The following ZZEF1 variants were observed in gnomAD, a reference collection of about 807,000 sequenced individuals.
ZZEF1 encodes the protein zinc finger ZZ-type and EF-hand domain containing 1.
ZZEF1 carries 157 observed loss-of-function variants against 342.8 expected under a neutral mutation model. The observed-to-expected ratio is 0.46, with a 90% CI of 0.40 to 0.52. The LOEUF is 0.52. ZZEF1 is among the 20% of genes least tolerant of loss of function. The pLI, the probability that ZZEF1 is intolerant of heterozygous loss-of-function variation, is 0.00. For synonymous variants in ZZEF1, 1,505 were observed against 1,429.1 expected (o/e 1.05, Z -1.20); for missense variants, 3,480 against 3,725.6 (o/e 0.93, Z 1.72).
At chr17:4,118,759 A>T (rs1353978676) in intron 2 of ZZEF1, among the ~76,000 whole-genome samples, 2 of 152,332 alleles carry the variant, frequency 1.3e-5, no homozygotes, top group African/African-American at 4.8e-5. Flanking sequence ...TCTTAGAAAG[A>T]ATATCTTCAC....
In ZZEF1 at chr17:4,054,110, C is replaced by T. The variant is rs1241045495; in HGVS notation, c.5381G>A (p.Arg1794Gln). The T allele has an allele frequency of 6.2e-6, 10 of 1,613,756 alleles. No homozygotes were observed. Among genetic ancestry groups the T allele is most frequent in the South Asian group, 2.2e-5 (2 of 90,936 alleles). ...DGCDEIAPWH[R>Q]YRCLQCSDMD... Reference sequence around the variant, plus strand: ...GTCGCTGCACTGCAGACAGCGGTATCGATGCCAGGGGGCAATCTCATCACA... The same window carrying T: ...GTCGCTGCACTGCAGACAGCGGTATTGATGCCAGGGGGCAATCTCATCACA... Residue 1794 changes from arginine to glutamine, a missense_variant, in exon 34 of 55, where the codon CGA (arginine) becomes CAA (glutamine). Coordinates refer to ENST00000381638, the MANE Select transcript of ZZEF1 (RefSeq NM_015113.4).
At chr17:4,066,654 G>C (rs1000199391) in intron 27 of ZZEF1, 114 bp from the exon 28 acceptor site, 1 of 877,736 alleles carries the variant, frequency 1.1e-6, no homozygotes, top group East Asian at 2.4e-5. Flanking sequence ...CTTCACAGTT[G>C]TATCATTTAG....
In ZZEF1 at chr17:4,008,721, C is replaced by A. The variant is rs141252775; in HGVS notation, c.8805+162G>T. ...GATAAATGGGGCTCGTGCATGCTCT[C>A]TGAGCACCAGGAGGAAGTGACTGAA... On this transcript the variant is annotated intron_variant, in intron 54 of 54. Transcript: ENST00000381638. This position sits in a 1 kb window ranked among gnomAD's most constrained non-coding sequence, Gnocchi z 4.2. 5 of 1,411,290 alleles carry A rather than the reference C, an allele frequency of 3.5e-6. No individual in the cohort carries two copies. The African/African-American group carries it at 5.8e-5, about 16-fold the overall frequency. 87.4% of individuals were successfully genotyped at this position (1,411,290 alleles called of 1,614,324 possible).
rs372709486 is a variant in ZZEF1 at position 4,088,922 on chromosome 17, A to G, written c.2026-29T>C. ...GACAGGACAAGAGAGATTTCAATAG[A>G]AGAACTCAGAATCCCTGAATATTGA... is the stretch of plus-strand genomic sequence containing the variant. On this transcript the variant is annotated intron_variant, in intron 12 of 54. Transcript: ENST00000381638. The G allele has an allele frequency of 2.6e-5, 41 of 1,604,866 alleles. No individual in the cohort carries two copies. In the African/African-American group the frequency reaches 5.1e-4, roughly 20 times the overall value.
At position 4,059,295 on chromosome 17, in the gene ZZEF1, A is replaced by G. The variant is rs547606245; in HGVS notation, c.4884-5T>C. Reference sequence around the variant, plus strand: ...CCTTCCAGGTGTCCAAAATAACTAGAAACAGAGGAAATCACTGATTCACTT... The same window carrying G: ...CCTTCCAGGTGTCCAAAATAACTAGGAACAGAGGAAATCACTGATTCACTT... On this transcript the variant is annotated splice_polypyrimidine_tract_variant and splice_region_variant and intron_variant, in intron 30 of 54. Transcript: ENST00000381638. 12 of 1,593,718 alleles carry G rather than the reference A, an allele frequency of 7.5e-6. No individual in the cohort carries two copies. In the East Asian group the frequency reaches 2.2e-4, roughly 30 times the overall value.
rs201365357 is a variant in ZZEF1 at position 4,064,582 on chromosome 17, G to A, written c.4497C>T (p.Ser1499=). The A allele has an allele frequency of 2.7e-5, 44 of 1,614,084 alleles. No individual in the cohort carries two copies. The highest frequency in any genetic ancestry group is 3.5e-5 in the Non-Finnish European group (41 of 1,180,052). ...PGLGTQPKLP[S]SSGLPAADVS... is the part of the protein sequence containing the mutation. ...CGTCTGCAGCAGGAAGGCCACTGCT[G>A]GATGGCAGCTTTGGCTGGGTGCCCA... Residue 1499 remains serine (S), a synonymous_variant, in exon 29 of 55, where the codon TCC becomes TCT. Transcript: ENST00000381638.
chr17:4,033,114 C>G lies in ZZEF1; in HGVS notation c.6585-112G>C, dbSNP rs756478862. ...AAGCCTTCAAAGAGCCATTCATTAA[C>G]TAGCTTAAAAACTACCAGAATAATG... On this transcript the variant is annotated intron_variant, in intron 40 of 54. Coordinates refer to ENST00000381638, the MANE Select transcript of ZZEF1 (RefSeq NM_015113.4). 4.3e-4 allele frequency: 462 copies of G among 1,065,244 alleles called. 1 individual carries two copies. Among genetic ancestry groups the G allele is most frequent in the Non-Finnish European group, 5.7e-4 (435 of 762,942 alleles). 66.0% of individuals were successfully genotyped at this position (1,065,244 alleles called of 1,614,324 possible).
chr17:4,039,050 AG>A (rs2056739662), intron 39 of ZZEF1, among the ~76,000 whole-genome samples: 2 of 152,126 alleles, frequency 1.3e-5, no homozygotes, highest in South Asian at 4.1e-4. Context: ...TAAAAAAAAA[AG>A]ATTATTAGGG....
intron 8 of ZZEF1, 33 bp from the exon 9 acceptor site, chr17:4,102,448 C>T: frequency 6.3e-7 from 1 of 1,589,834 alleles, no homozygotes; most frequent in Non-Finnish European, 8.6e-7. Context: ...AAGCTGTAAG[C>T]TAAAATATGA....
chr17:4,076,896 G>C lies in ZZEF1; in HGVS notation c.3083C>G (p.Ser1028Ter). The change falls in exon 20 of 55, where the codon TCA (serine) becomes TGA (stop). Residue 1028 changes from serine to a stop codon, truncating the protein, a stop_gained. Coordinates refer to ENST00000381638, the MANE Select transcript of ZZEF1 (RefSeq NM_015113.4). LOFTEE classifies it high-confidence loss of function. ...TTGACGAGCTGCCATTGAAAACACT[G>C]AGTTACATAATCTTTCTACTATGGT... ...GKTIVERLCN[S>*]VFSMAARQLV... The C allele has an allele frequency of 6.2e-7, 1 of 1,614,124 alleles. No individual in the cohort carries two copies. The highest frequency in any genetic ancestry group is 8.5e-7 in the Non-Finnish European group (1 of 1,180,024).
At chr17:4,124,329 C>T (rs558218259) in intron 1 of ZZEF1, among the ~76,000 whole-genome samples, 2 of 152,282 alleles carry the variant, frequency 1.3e-5, no homozygotes, top group South Asian at 2.1e-4. Flanking sequence ...AGTAAGTCTC[C>T]TCCCCACTAA....
rs1323218599 is a variant in ZZEF1, at chr17:4,004,751, T to A, written c.*2139A>T. The stretch of plus-strand genomic sequence containing the variant: ...CTGCGGGCTTCGCCTCCTCCGGGCC[T>A]GGGGCTCCTGGAAAGCGCCGGGACG... On this transcript the variant is annotated 3_prime_UTR_variant, in exon 55 of 55. Transcript: ENST00000381638. The A allele has an allele frequency of 6.6e-6, 1 of 152,248 alleles. No individual in the cohort carries two copies. The highest frequency in any genetic ancestry group is 1.5e-5 in the Non-Finnish European group (1 of 68,056). 9.4% of individuals were successfully genotyped at this position (152,248 alleles called of 1,614,324 possible). A position where few individuals can be genotyped will look rare whatever the true frequency, so the allele number is the denominator to read the frequency against.
At chr17:4,135,234 G>A (rs781269485) in intron 1 of ZZEF1, among the ~76,000 whole-genome samples, 2 of 152,118 alleles carry the variant, frequency 1.3e-5, no homozygotes, top group Non-Finnish European at 2.9e-5. Context: ...CCAGCACTTC[G>A]GGAGCCCAAG....
chr17:4,084,208 C>T (rs1165367570), intron 16 of ZZEF1, among the ~76,000 whole-genome samples: 1 of 151,954 alleles, frequency 6.6e-6, no homozygotes, highest in African/African-American at 2.4e-5. Flanking sequence ...GAAGGAGTTT[C>T]TATTTTGAGT....
At chr17:4,133,136 G>C (rs2058696046) in intron 1 of ZZEF1, among the ~76,000 whole-genome samples, 1 of 152,196 alleles carries the variant, frequency 6.6e-6, no homozygotes, top group East Asian at 1.9e-4. Flanking sequence ...CTCAAGGTCT[G>C]AGGAGATTAG....
chr17:4,107,655 G>C (rs188497402), intron 6 of ZZEF1, among the ~76,000 whole-genome samples: 3 of 152,328 alleles, frequency 2.0e-5, no homozygotes, highest in Admixed American at 1.3e-4. Flanking sequence ...CAGGGGCAAT[G>C]GGACACTGGT....
At chr17:4,030,327 T>G (rs555612955) in intron 42 of ZZEF1, among the ~76,000 whole-genome samples, 11 of 152,184 alleles carry the variant, frequency 7.2e-5, no homozygotes, top group Non-Finnish European at 1.3e-4. Flanking sequence ...AAACCTAAAT[T>G]TATTCTCTAA....
chr17:4,060,126 T>A (rs1441069009), intron 30 of ZZEF1, among the ~76,000 whole-genome samples: 2 of 152,166 alleles, frequency 1.3e-5, no homozygotes, highest in Non-Finnish European at 2.9e-5. Flanking sequence ...TATACCTATA[T>A]CAAAACAGCT....
In ZZEF1 at chr17:4,137,730, C is replaced by T. The variant is rs1198748659; in HGVS notation, c.354+4812G>A. ...GTACAATGGTAGTGCAGGCAGGTGG[C>T]TGGCGGCCTCACAGCCTAGTTGCAC... On this transcript the variant is annotated intron_variant, in intron 1 of 54. Coordinates refer to ENST00000381638, the MANE Select transcript of ZZEF1 (RefSeq NM_015113.4). Among the ~76,000 whole-genome samples the T allele has an allele frequency of 2.0e-5, 3 of 152,346 alleles. No homozygotes were observed. The South Asian group carries it at 6.2e-4, about 32-fold the overall frequency.
Sources: gnomAD v4.1 joint callset for allele counts (sites outside exome capture counted in the v4.1 genomes callset) on GRCh38, gnomAD v4.1.1 for gene constraint, Gnocchi (gnomAD v3.1) non-coding constraint, MANE v1.5 for transcripts, NCBI Gene and HGNC (gene_info 2026-07-23, HGNC 2026-07-21) for gene names.